RBFOX3: variants seen among roughly 807,000 people sequenced by gnomAD.
RBFOX3 encodes the protein RNA binding fox-1 homolog 3, also known as RNA binding protein fox-1 homolog 3.
A neutral mutation model predicts 48.7 loss-of-function variants in RBFOX3; 17 were observed. The ratio of observed to expected loss-of-function variants is 0.35; its 90% confidence interval spans 0.24 to 0.52. RBFOX3 has a LOEUF of 0.52. RBFOX3 is among the 20% of genes least tolerant of loss of function. RBFOX3 has a pLI of 0.94. For missense variants in RBFOX3, 382 were observed against 497.5 expected, an observed-to-expected ratio of 0.77 and a Z score of 2.21; for synonymous variants, 212 against 209.5, an observed-to-expected ratio of 1.01 and a Z score of -0.10.
At chr17:79,328,430 C>A (rs947061309) in intron 2 of RBFOX3, among the ~76,000 whole-genome samples, 1 of 152,200 alleles carries the variant, frequency 6.6e-6, no homozygotes, top group African/African-American at 2.4e-5. Flanking sequence ...TAGCCACTGG[C>A]ATATGTGGAT....
intron 4 of RBFOX3, among the ~76,000 whole-genome samples, chr17:79,136,897 G>A (rs1399767860): frequency 1.3e-5 from 2 of 152,140 alleles, no homozygotes; most frequent in African/African-American, 4.8e-5. Context: ...ACAGTCTTAA[G>A]CCAGAGTGGA....
chr17:79,573,374 C>T (rs1397890234), intron 1 of RBFOX3, among the ~76,000 whole-genome samples: 3 of 152,240 alleles, frequency 2.0e-5, no homozygotes, highest in African/African-American at 7.2e-5. Flanking sequence ...TGGGACGACT[C>T]TGGGCTATGC....
intron 3 of RBFOX3, among the ~76,000 whole-genome samples, chr17:79,304,023 G>A (rs755673322): frequency 2.6e-4 from 39 of 152,154 alleles, no homozygotes; most frequent in Admixed American, 5.9e-4. Context: ...AATGCCCCAG[G>A]GAGCCCATTT....
At chr17:79,542,955 C>A (rs1168538281) in intron 1 of RBFOX3, among the ~76,000 whole-genome samples, 3 of 152,198 alleles carry the variant, frequency 2.0e-5, no homozygotes, top group Non-Finnish European at 4.4e-5. Context: ...TTGGCGTACA[C>A]TTTTCACTCT....
At chr17:79,450,749 C>G (rs888732563) in intron 2 of RBFOX3, among the ~76,000 whole-genome samples, 1 of 152,126 alleles carries the variant, frequency 6.6e-6, no homozygotes, top group African/African-American at 2.4e-5. Flanking sequence ...ATCAGGAGGA[C>G]CCCTGTCTGG....
rs564183857 is a variant in RBFOX3 at position 79,362,071 on chromosome 17, C to A, written c.-174-54247G>T. Among the ~76,000 whole-genome samples, 230 of 152,260 alleles carry A rather than the reference C, an allele frequency of 1.5e-3. 1 individual carries two copies. Among genetic ancestry groups the A allele is most frequent in the Non-Finnish European group, 2.0e-3 (136 of 68,028 alleles). Reference sequence around the variant, plus strand: ...CTGCGTATTTACTCAGTCATCAAAGCGCAAATGTGGTGGGTAACAGATCAC... The same window carrying A: ...CTGCGTATTTACTCAGTCATCAAAGAGCAAATGTGGTGGGTAACAGATCAC... On this transcript the variant is annotated intron_variant, in intron 2 of 14. Coordinates refer to ENST00000693108, the MANE Select transcript of RBFOX3 (RefSeq NM_001350451.2). The surrounding 1 kb of genome is among the most constrained non-coding windows in gnomAD (Gnocchi z 4.2).
intron 4 of RBFOX3, among the ~76,000 whole-genome samples, chr17:79,175,166 G>A (rs914880973): frequency 1.3e-5 from 2 of 152,260 alleles, no homozygotes; most frequent in Admixed American, 1.3e-4. Flanking sequence ...CTGACACGCA[G>A]GTGGGAGTAC....
intron 1 of RBFOX3, among the ~76,000 whole-genome samples, chr17:79,494,111 C>T (rs2081095755): frequency 6.6e-6 from 1 of 152,164 alleles, no homozygotes; most frequent in South Asian, 2.1e-4. Context: ...TCTCATATCT[C>T]ATAAATAAAT....
rs1698744724 is a variant in RBFOX3 at position 79,504,810 on chromosome 17, T to C, written c.-319-22212A>G. On this transcript the variant is annotated intron_variant, in intron 1 of 14. Coordinates refer to ENST00000693108, the MANE Select transcript of RBFOX3 (RefSeq NM_001350451.2). ...AGTAACATCCATCGGCTCTGCAGAT[T>C]AGGGCATGACTATCTTTTGGGGGCC... 2.6e-5 allele frequency among the ~76,000 whole-genome samples: 4 copies of C among 152,228 alleles called. No individual in the cohort carries two copies. In the South Asian group the frequency reaches 8.3e-4, roughly 31 times the overall value.
At chr17:79,468,846 A>ATG (rs2076676868) in intron 2 of RBFOX3, among the ~76,000 whole-genome samples, 4 of 131,634 alleles carry the variant, frequency 3.0e-5, no homozygotes, top group Admixed American at 1.6e-4. Flanking sequence ...ATGGATGGAT[A>ATG]GATAGACAGC....
chr17:79,319,816 T>TATGTC (rs1450004202), intron 2 of RBFOX3, among the ~76,000 whole-genome samples: 23 of 49,454 alleles, frequency 4.7e-4, no homozygotes, highest in Admixed American at 1.1e-3. Context: ...GCTGTTGGTC[T>TATGTC]TGTCCAGGCT....
chr17:79,412,845 CGTGT>C (rs1010606017), intron 2 of RBFOX3, among the ~76,000 whole-genome samples: 1 of 148,868 alleles, frequency 6.7e-6, no homozygotes, highest in Non-Finnish European at 1.5e-5. Flanking sequence ...GGGCATGGTG[CGTGT>C]GTGTATGAAT....
In RBFOX3 at chr17:79,414,929, G is replaced by A. The variant is rs1011359732; in HGVS notation, c.-175+67525C>T. Among the ~76,000 whole-genome samples the A allele has an allele frequency of 5.3e-5, 8 of 152,328 alleles. No individual in the cohort carries two copies. In the East Asian group the frequency reaches 9.6e-4, roughly 18 times the overall value. ...AGCCAGGGCAGCGGGAGGGGCCGTC[G>A]CAGTCCAGCTCCCGTTCCCAGAGGG... On this transcript the variant is annotated intron_variant, in intron 2 of 14. Transcript: ENST00000693108.
chr17:79,097,410 A>G lies in RBFOX3; in HGVS notation c.637T>C (p.Tyr213His). ...PEFYAVTGFP[Y>H]PTTGTAVAYR... ...GCAACGGCTGTGCCGGTGGTGGGGT[A>G]GGGGAACCCCGTCACTGCAGGAAAC... Residue 213 changes from tyrosine to histidine, a missense_variant, in exon 11 of 15, where the codon TAC becomes CAC. Around this residue, in one of 3 missense-constraint regions of RBFOX3, gnomAD observed 215 missense variants for 254.8 expected, o/e 0.84. Coordinates refer to ENST00000693108, the MANE Select transcript of RBFOX3 (RefSeq NM_001350451.2). 1.3e-6 allele frequency: 2 copies of G among 1,546,812 alleles called. No individual in the cohort carries two copies. Among genetic ancestry groups the G allele is most frequent in the Non-Finnish European group, 1.7e-6 (2 of 1,145,338 alleles).
At chr17:79,225,247 G>A (rs1006443265) in intron 4 of RBFOX3, among the ~76,000 whole-genome samples, 3 of 149,588 alleles carry the variant, frequency 2.0e-5, no homozygotes, top group Non-Finnish European at 4.4e-5. Context: ...GGCATCTCTC[G>A]CTGGCCAGTC....
chr17:79,604,011 G>C (rs939560743), intron 1 of RBFOX3: 10,182 of 152,368 alleles, frequency 0.067, 469 homozygotes, highest in East Asian at 0.26. Flanking sequence ...CAGGTTGTGC[G>C]GCCGGCCCTG....
chr17:79,173,211 A>C (rs1005007048), intron 4 of RBFOX3, among the ~76,000 whole-genome samples: 6 of 111,962 alleles, frequency 5.4e-5, no homozygotes, highest in South Asian at 3.1e-4. Context: ...CTGTCAAATA[A>C]ATAAATAAAT....
intron 2 of RBFOX3, among the ~76,000 whole-genome samples, chr17:79,401,663 G>GT (rs1819025375): frequency 6.6e-6 from 1 of 152,180 alleles, no homozygotes; most frequent in African/African-American, 2.4e-5. Flanking sequence ...CCCATGCCCC[G>GT]TGTTTGGACG....
At chr17:79,457,102 C>G (rs1372212844) in intron 2 of RBFOX3, among the ~76,000 whole-genome samples, 1 of 152,208 alleles carries the variant, frequency 6.6e-6, no homozygotes, top group African/African-American at 2.4e-5. Flanking sequence ...CTACAGGCAC[C>G]CTCCTCCCCA....
Sources: gnomAD v4.1 joint callset for allele counts (sites outside exome capture counted in the v4.1 genomes callset) on GRCh38, gnomAD v4.1.1 for gene constraint, gnomAD v4.1.1 regional missense constraint, Gnocchi (gnomAD v3.1) non-coding constraint, MANE v1.5 for transcripts, NCBI Gene and HGNC (gene_info 2026-07-23, HGNC 2026-07-21) for gene names.